The following FUT8 variants were observed in gnomAD, a reference collection of about 807,000 sequenced individuals.
The protein encoded by FUT8 is alpha-(1,6)-fucosyltransferase.
Under a neutral mutation model 71.3 loss-of-function variants are expected in FUT8, and 29 were observed. The observed-to-expected ratio is 0.41, with a 90% CI of 0.30 to 0.55. The LOEUF (loss-of-function observed/expected upper bound fraction) is 0.55, where lower values mean the gene tolerates loss of function less well. FUT8 is among the 20% of genes least tolerant of loss of function. The pLI, the probability that FUT8 is intolerant of heterozygous loss-of-function variation, is 0.34. For synonymous variants in FUT8, 254 were observed against 239.3 expected, an observed-to-expected ratio of 1.06 and a Z score of -0.57; for missense variants, 544 against 702.1, an observed-to-expected ratio of 0.77 and a Z score of 2.55.
At chr14:65,523,434 T>C (rs958196424) in intron 2 of FUT8, among the ~76,000 whole-genome samples, 9 of 151,268 alleles carry the variant, frequency 5.9e-5, no homozygotes, top group Admixed American at 4.6e-4. Context: ...TGTTTTTTTC[T>C]TGTAAATTTG....
the FUT8 span, among the ~76,000 whole-genome samples, chr14:65,381,522 T>C: frequency 1.3e-5 from 2 of 152,338 alleles, no homozygotes; most frequent in South Asian, 4.1e-4. Flanking sequence ...TTCAGTATGG[T>C]GCCTGGCACA....
chr14:65,448,542 G>C (rs965827905), intron 1 of FUT8, among the ~76,000 whole-genome samples: 1 of 152,182 alleles, frequency 6.6e-6, no homozygotes, highest in African/African-American at 2.4e-5. Context: ...GAGATAAGTA[G>C]AAGGGATATT....
chr14:65,373,495 A>G, the FUT8 span, among the ~76,000 whole-genome samples: 1 of 151,972 alleles, frequency 6.6e-6, no homozygotes, highest in Non-Finnish European at 1.5e-5. Context: ...ACCAAACTCC[A>G]GGGGAACGGC....
intron 2 of FUT8, among the ~76,000 whole-genome samples, chr14:65,479,279 T>G (rs901163242): frequency 3.3e-5 from 5 of 152,228 alleles, no homozygotes; most frequent in Non-Finnish European, 7.3e-5. Context: ...TACTTTTTCC[T>G]TAACATTAAC....
chr14:65,541,359 A>G (rs1297150936), intron 2 of FUT8, among the ~76,000 whole-genome samples: 2 of 152,220 alleles, frequency 1.3e-5, no homozygotes, highest in African/African-American at 4.8e-5. Context: ...AGGCTGGAGA[A>G]CAGGAAAGCC....
chr14:65,372,553 T>C, the FUT8 span, among the ~76,000 whole-genome samples: 7 of 151,840 alleles, frequency 4.6e-5, no homozygotes, highest in African/African-American at 1.7e-4. Context: ...GTAGCTGGGA[T>C]TACAGGCGCC....
intron 3 of FUT8, among the ~76,000 whole-genome samples, chr14:65,601,415 A>G (rs743085): frequency 0.36 from 54,012 of 151,990 alleles, 11,929 homozygotes; most frequent in Non-Finnish European, 0.5. Flanking sequence ...ACAAAACTGC[A>G]TATCTATAAT....
chr14:65,740,110 A>G (rs1896420019), intron 10 of FUT8, among the ~76,000 whole-genome samples: 2 of 151,886 alleles, frequency 1.3e-5, no homozygotes, highest in Admixed American at 1.3e-4. Context: ...AAAAGTTCCA[A>G]ATCTTTTTGA....
chr14:65,394,304 A>C, the FUT8 span, among the ~76,000 whole-genome samples: 6 of 152,252 alleles, frequency 3.9e-5, no homozygotes. Context: ...AGACTTATTC[A>C]CTACCATGAG....
intron 2 of FUT8, among the ~76,000 whole-genome samples, chr14:65,493,527 T>C (rs2066514481): frequency 6.6e-6 from 1 of 152,164 alleles, no homozygotes; most frequent in Non-Finnish European, 1.5e-5. Flanking sequence ...TTCTTAGCAC[T>C]GAAGTCTCAG....
chr14:65,500,830 GT>G (rs1214801218), intron 2 of FUT8, among the ~76,000 whole-genome samples: 1 of 152,152 alleles, frequency 6.6e-6, no homozygotes, highest in East Asian at 1.9e-4. Flanking sequence ...TTGAAAACTT[GT>G]ATTTGCTTCA....
chr14:65,517,383 T>A (rs1016475906), intron 2 of FUT8, among the ~76,000 whole-genome samples: 3 of 152,164 alleles, frequency 2.0e-5, no homozygotes, highest in Admixed American at 1.3e-4. Context: ...TTAAAGAATT[T>A]ACAGTCTAAT....
At chr14:65,439,954 G>GTACATGTGTATA (rs1378430231) in intron 1 of FUT8, among the ~76,000 whole-genome samples, 1 of 74,984 alleles carries the variant, frequency 1.3e-5, no homozygotes, top group Non-Finnish European at 2.5e-5. Context: ...GTGTGTGTGT[G>GTACATGTGTATA]TATATATATA....
At position 65,483,720 on chromosome 14, in the gene FUT8, A is replaced by AT. The variant is rs1439229674; in HGVS notation, c.-228+28002_-228+28003insT. Among the ~76,000 whole-genome samples, 1 of 150,978 alleles carries AT rather than the reference A, an allele frequency of 6.6e-6. No homozygotes were observed. Among genetic ancestry groups the AT allele is most frequent in the African/African-American group, 2.5e-5 (1 of 40,632 alleles). ...TTTATAAATATTTAAATAACATATCAATTTTTTTTTTTTGAGACAGAGTTA... is the reference window on the plus strand; with the variant it reads ...TTTATAAATATTTAAATAACATATCATATTTTTTTTTTTTGAGACAGAGTTA... On this transcript the variant is annotated intron_variant, in intron 2 of 10. Coordinates refer to ENST00000673929, the MANE Select transcript of FUT8 (RefSeq NM_001371533.1). The surrounding 1 kb of genome is among the most constrained non-coding windows in gnomAD (Gnocchi z 4.4).
intron 2 of FUT8, among the ~76,000 whole-genome samples, chr14:65,555,796 C>A (rs1007044105): frequency 8.5e-5 from 13 of 152,114 alleles, no homozygotes; most frequent in Non-Finnish European, 1.6e-4. Context: ...TGAGGCTAAT[C>A]TAGTAGTTAT....
At chr14:65,615,709 G>A (rs977807726) in intron 3 of FUT8, among the ~76,000 whole-genome samples, 1 of 152,096 alleles carries the variant, frequency 6.6e-6, no homozygotes, top group African/African-American at 2.4e-5. Flanking sequence ...AAGATTTTTA[G>A]GAAACAGCTC....
chr14:65,604,320 G>T (rs191715512), intron 3 of FUT8, among the ~76,000 whole-genome samples: 1 of 151,746 alleles, frequency 6.6e-6, no homozygotes, highest in Admixed American at 6.6e-5. Context: ...TCAGCGCATG[G>T]AACTTTCTCC....
At chr14:65,431,449 A>G (rs1046745744) in intron 1 of FUT8, among the ~76,000 whole-genome samples, 4 of 151,800 alleles carry the variant, frequency 2.6e-5, no homozygotes, top group African/African-American at 9.7e-5. Flanking sequence ...AGCTGGGACT[A>G]CAGGCATGCG....
intron 3 of FUT8, among the ~76,000 whole-genome samples, chr14:65,579,168 CAGA>C (rs1886946815): frequency 6.6e-6 from 1 of 151,844 alleles, no homozygotes; most frequent in Admixed American, 6.6e-5. Flanking sequence ...AGGTCAGTGG[CAGA>C]AGAAGAAATA....
Sources: allele counts gnomAD v4.1 joint callset (sites outside exome capture counted in the v4.1 genomes callset), GRCh38; gene constraint gnomAD v4.1.1; non-coding constraint Gnocchi (gnomAD v3.1); transcripts MANE v1.5; gene names NCBI Gene and HGNC (gene_info 2026-07-23, HGNC 2026-07-21).